SSH2: variants seen among roughly 807,000 people sequenced by gnomAD.
SSH2 encodes slingshot protein phosphatase 2, also known as protein phosphatase Slingshot homolog 2.
A neutral mutation model predicts 135.2 loss-of-function variants in SSH2; 37 were observed. The ratio of observed to expected loss-of-function variants is 0.27; its 90% CI spans 0.21 to 0.36. The LOEUF is 0.36. Ranked by LOEUF, SSH2 falls within the 10% of genes least tolerant of loss-of-function variation. The probability of loss-of-function intolerance (pLI) is 1.00; values close to 1 mark genes in which losing one functional copy is unlikely to be tolerated. For synonymous variants in SSH2, 628 were observed against 646.2 expected (o/e 0.97, Z 0.43); for missense variants, 1,408 against 1,765.3 (o/e 0.80, Z 3.63).
At chr17:29,920,504 G>C (rs1002311859) in intron 1 of SSH2, among the ~76,000 whole-genome samples, 2 of 152,120 alleles carry the variant, frequency 1.3e-5, no homozygotes, top group Non-Finnish European at 2.9e-5. Context: ...AACTTCTATG[G>C]AACACCTTAT....
intron 5 of SSH2, among the ~76,000 whole-genome samples, chr17:29,686,198 C>T (rs1377412620): frequency 1.3e-5 from 2 of 152,036 alleles, no homozygotes; most frequent in Non-Finnish European, 2.9e-5. Flanking sequence ...AAAACAACTA[C>T]AGGCAACACA....
chr17:29,801,079 G>T (rs2042243868), intron 2 of SSH2, among the ~76,000 whole-genome samples: 1 of 151,966 alleles, frequency 6.6e-6, no homozygotes, highest in African/African-American at 2.4e-5. Flanking sequence ...TGGCCAGGCT[G>T]GTCTCAAACT....
intron 9 of SSH2, among the ~76,000 whole-genome samples, chr17:29,671,427 A>G: frequency 6.6e-6 from 1 of 152,118 alleles, no homozygotes; most frequent in Non-Finnish European, 1.5e-5. Context: ...GGCTGCAGTG[A>G]GCTATGATTG....
chr17:29,848,866 T>G lies in SSH2; in HGVS notation c.127A>C (p.Ile43Leu). 1 of 1,533,048 alleles carries G rather than the reference T, an allele frequency of 6.5e-7. No individual in the cohort carries two copies. The highest frequency in any genetic ancestry group is 2.4e-5 in the East Asian group (1 of 40,888). The allele number at this position is 1,533,048 out of a possible 1,614,324, so 95.0% of individuals were successfully genotyped here. A position where few individuals can be genotyped will look rare whatever the true frequency, so the allele number is the denominator to read the frequency against. Reference sequence around the variant, plus strand: ...CTACGTACATTGGAATCAGTAAAGATTTCTGATTCTTCACATTCACAGCAA... The same window carrying G: ...CTACGTACATTGGAATCAGTAAAGAGTTCTGATTCTTCACATTCACAGCAA... ...LLCCECEESE[I>L]FTDSNEADSG... The change falls in exon 2 of 16, where the codon ATC becomes CTC. Residue 43 changes from isoleucine to leucine, a missense_variant. By Grantham distance (5) the Ile-to-Leu change is conservative. Around this residue, in one of 3 missense-constraint regions of SSH2, gnomAD observed 222 missense variants for 355.6 expected, o/e 0.62. Coordinates refer to ENST00000540801, the MANE Select transcript of SSH2 (RefSeq NM_001282129.2).
At chr17:29,764,757 T>G (rs1319790934) in intron 3 of SSH2, among the ~76,000 whole-genome samples, 1 of 152,148 alleles carries the variant, frequency 6.6e-6, no homozygotes, top group African/African-American at 2.4e-5. Context: ...CCAAATTAAG[T>G]TTTTGTAGGA....
intron 1 of SSH2, chr17:29,925,700 C>T (rs993552942): frequency 5.1e-6 from 2 of 389,206 alleles, no homozygotes; most frequent in African/African-American, 4.2e-5. Flanking sequence ...CAGTGAGACC[C>T]CATCTAAAAA....
At chr17:29,868,691 T>G (rs2065893811) in intron 1 of SSH2, among the ~76,000 whole-genome samples, 1 of 148,966 alleles carries the variant, frequency 6.7e-6, no homozygotes, top group Non-Finnish European at 1.5e-5. Flanking sequence ...TGAGCTGAGA[T>G]CGTGCCACTG....
intron 1 of SSH2, among the ~76,000 whole-genome samples, chr17:29,900,739 G>C (rs1257862861): frequency 6.6e-6 from 1 of 152,106 alleles, no homozygotes; most frequent in Non-Finnish European, 1.5e-5. Context: ...CAGGGATCTA[G>C]AACTAGAAAT....
chr17:29,665,006 T>A (rs577332214), intron 11 of SSH2, among the ~76,000 whole-genome samples: 1 of 152,146 alleles, frequency 6.6e-6, no homozygotes, highest in South Asian at 2.1e-4. Context: ...AATGGGAAAC[T>A]TGACTTTCAA....
chr17:29,862,773 C>T (rs1344907372), intron 1 of SSH2, among the ~76,000 whole-genome samples: 3 of 152,230 alleles, frequency 2.0e-5, no homozygotes, highest in African/African-American at 4.8e-5. Flanking sequence ...GCACGTAACA[C>T]ACAACTGTGT....
At chr17:29,645,467 A>G (rs1032757755) in intron 14 of SSH2, 1 of 152,158 alleles carries the variant, frequency 6.6e-6, no homozygotes, top group Non-Finnish European at 1.5e-5. Context: ...AAACTCCTTC[A>G]ACAACTAAGG....
At chr17:29,711,851 G>A (rs1445682764) in intron 3 of SSH2, among the ~76,000 whole-genome samples, 1 of 152,112 alleles carries the variant, frequency 6.6e-6, no homozygotes, top group Non-Finnish European at 1.5e-5. Flanking sequence ...CCTGCTCCCT[G>A]GTCTTCCCTG....
At chr17:29,798,237 G>A (rs925935918) in intron 2 of SSH2, among the ~76,000 whole-genome samples, 1 of 151,024 alleles carries the variant, frequency 6.6e-6, no homozygotes, top group Admixed American at 6.6e-5. Context: ...TGCAGTGGTG[G>A]GATCTCGGCT....
At chr17:29,878,311 T>C (rs138400059) in intron 1 of SSH2, among the ~76,000 whole-genome samples, 3,080 of 151,540 alleles carry the variant, frequency 0.02, 52 homozygotes, top group Non-Finnish European at 0.03. Context: ...TCTGTAATCC[T>C]AGCTACTCGG....
At chr17:29,881,531 T>G (rs1487012652) in intron 1 of SSH2, among the ~76,000 whole-genome samples, 2 of 152,118 alleles carry the variant, frequency 1.3e-5, no homozygotes, top group East Asian at 3.8e-4. Context: ...AGACAGAGTC[T>G]TGCTCTGTCA....
At chr17:29,667,972 A>G (rs1362735079) in intron 9 of SSH2, among the ~76,000 whole-genome samples, 2 of 152,224 alleles carry the variant, frequency 1.3e-5, no homozygotes, top group Non-Finnish European at 2.9e-5. Flanking sequence ...TTAGAAAGGT[A>G]GTGGTTCAAT....
At chr17:29,645,047 G>C (rs2036317231) in intron 14 of SSH2, 1 of 152,266 alleles carries the variant, frequency 6.6e-6, no homozygotes, top group Non-Finnish European at 1.5e-5. Flanking sequence ...AGGCAGTAGT[G>C]ATGTCATGGA....
At chr17:29,709,522 C>T (rs1437517863) in intron 3 of SSH2, among the ~76,000 whole-genome samples, 1 of 152,096 alleles carries the variant, frequency 6.6e-6, no homozygotes, top group Non-Finnish European at 1.5e-5. Flanking sequence ...ACTAAAAATA[C>T]AAAAATTAGC....
intron 11 of SSH2, among the ~76,000 whole-genome samples, chr17:29,659,350 C>A (rs2036925002): frequency 6.6e-6 from 1 of 152,210 alleles, no homozygotes; most frequent in South Asian, 2.1e-4. Context: ...ACTTTCCCCA[C>A]AGCCTCTCCA....
Sources: gnomAD v4.1 joint callset for allele counts (sites outside exome capture counted in the v4.1 genomes callset) on GRCh38, gnomAD v4.1.1 for gene constraint, gnomAD v4.1.1 regional missense constraint, MANE v1.5 for transcripts, NCBI Gene and HGNC (gene_info 2026-07-23, HGNC 2026-07-21) for gene names.